ANKRD45: variants seen among roughly 807,000 people sequenced by gnomAD.
The protein encoded by ANKRD45 is ankyrin repeat domain 45.
In ANKRD45, 21 loss-of-function variants were observed where a neutral mutation model predicts 28.1. The ratio of observed to expected loss-of-function variants is 0.75; its 90% CI spans 0.53 to 1.08. The LOEUF (loss-of-function observed/expected upper bound fraction) is 1.08, where lower values mean the gene tolerates loss of function less well. Among genes scored for constraint, ANKRD45 ranks in the 50% least tolerant of loss-of-function variants. ANKRD45 has a pLI of 0.00. For missense variants in ANKRD45, 261 were observed against 308.7 expected (o/e 0.85, Z 1.16); for synonymous variants, 86 against 103.9 (o/e 0.83, Z 1.05).
the ANKRD45 span, among the ~76,000 whole-genome samples, chr1:173,690,435 G>C: frequency 1.3e-5 from 2 of 152,222 alleles, no homozygotes; most frequent in African/African-American, 2.4e-5. Context: ...TTTTCATTTT[G>C]AGGTGCCAGA....
At chr1:173,655,452 C>T (rs1296238152) in intron 2 of ANKRD45, among the ~76,000 whole-genome samples, 1 of 152,204 alleles carries the variant, frequency 6.6e-6, no homozygotes, top group African/African-American at 2.4e-5. Context: ...TATTGCAGAA[C>T]AGCAAATATT....
Position 173,659,035 on chromosome 1 carries a change from C to T in ANKRD45, c.328+56G>A, listed in dbSNP as rs746207512. On this transcript the variant is annotated intron_variant, in intron 2 of 5. Coordinates refer to ENST00000333279, the MANE Select transcript of ANKRD45 (RefSeq NM_198493.3). ...AATATATCTAACCTTAAAGATATTA[C>T]ATTGCATCTTTAGGTAGTCATAAGT... 9 of 1,568,138 alleles carry T rather than the reference C, an allele frequency of 5.7e-6. No homozygotes were observed. The Middle Eastern group carries it at 5.2e-4, about 90-fold the overall frequency.
the ANKRD45 span, among the ~76,000 whole-genome samples, chr1:173,706,558 C>T: frequency 5.3e-5 from 8 of 151,808 alleles, no homozygotes; most frequent in African/African-American, 1.9e-4. Flanking sequence ...AGGCTGGTCT[C>T]GAACTCCTGA....
At chr1:173,651,239 A>G (rs991750686) in intron 2 of ANKRD45, among the ~76,000 whole-genome samples, 6 of 152,128 alleles carry the variant, frequency 3.9e-5, no homozygotes, top group Non-Finnish European at 8.8e-5. Flanking sequence ...TAACATTTAA[A>G]TCTTTAATCC....
the ANKRD45 span, among the ~76,000 whole-genome samples, chr1:173,685,865 G>T: frequency 6.6e-6 from 1 of 152,184 alleles, no homozygotes; most frequent in Non-Finnish European, 1.5e-5. Context: ...TTCAGATAAT[G>T]ACCTGTATAG....
rs1667012574 is a variant in ANKRD45, at chr1:173,608,340, T to C, written c.*1805A>G. Among the ~76,000 whole-genome samples the C allele has an allele frequency of 6.6e-6, 1 of 152,128 alleles. No homozygotes were observed. The highest frequency in any genetic ancestry group is 1.5e-5 in the Non-Finnish European group (1 of 68,020). ...TTGTTTTTATTATTATTTTTTGAGA[T>C]GGAGTCTCACTCTGTCACCCAGGCT... On this transcript the variant is annotated 3_prime_UTR_variant, in exon 6 of 6. Transcript: ENST00000333279.
At chr1:173,713,924 T>C in the ANKRD45 span, among the ~76,000 whole-genome samples, 2 of 152,208 alleles carry the variant, frequency 1.3e-5, no homozygotes, top group African/African-American at 4.8e-5. Context: ...TCTTTCTCCA[T>C]TGCAATCCCT....
At chr1:173,621,272 T>C (rs953834175) in intron 5 of ANKRD45, among the ~76,000 whole-genome samples, 1 of 152,152 alleles carries the variant, frequency 6.6e-6, no homozygotes, top group South Asian at 2.1e-4. Flanking sequence ...TTCCAAAAAA[T>C]TGAAAAGGAA....
chr1:173,668,099 T>C lies in ANKRD45; in HGVS notation c.-16+1718A>G, dbSNP rs1482280207. Reference sequence around the variant, plus strand: ...TTTCTAATTCTTACAACATATGTAATACTATATTAAAAGACATAACTCACA... The same window carrying C: ...TTTCTAATTCTTACAACATATGTAACACTATATTAAAAGACATAACTCACA... On this transcript the variant is annotated intron_variant, in intron 1 of 5. Coordinates refer to ENST00000333279, the MANE Select transcript of ANKRD45 (RefSeq NM_198493.3). Among the ~76,000 whole-genome samples, 4 of 152,366 alleles carry C rather than the reference T, an allele frequency of 2.6e-5. No individual in the cohort carries two copies. The East Asian group carries it at 7.7e-4, about 29-fold the overall frequency.
upstream of ANKRD45, among the ~76,000 whole-genome samples, chr1:173,674,819 A>G (rs1420054731): frequency 6.6e-6 from 1 of 152,118 alleles, no homozygotes; most frequent in Admixed American, 6.5e-5. Flanking sequence ...TAGCTTAGTG[A>G]TTTTAGGGAC....
chr1:173,708,727 A>T, the ANKRD45 span, among the ~76,000 whole-genome samples: 2 of 152,210 alleles, frequency 1.3e-5, no homozygotes, highest in East Asian at 3.8e-4. Flanking sequence ...TTATTTCAGG[A>T]ATGTTTTATA....
At chr1:173,683,512 G>C in the ANKRD45 span, among the ~76,000 whole-genome samples, 1 of 152,150 alleles carries the variant, frequency 6.6e-6, no homozygotes, top group East Asian at 1.9e-4. Context: ...GGAGATCAGA[G>C]ATTCTCTGGA....
At chr1:173,647,126 G>T in intron 2 of ANKRD45, 113 bp from the exon 3 acceptor site, 1 of 1,016,008 alleles carries the variant, frequency 9.8e-7, no homozygotes, top group Non-Finnish European at 1.4e-6. Flanking sequence ...TGTGGGCCAG[G>T]CACTATTCTA....
intron 5 of ANKRD45, among the ~76,000 whole-genome samples, chr1:173,613,048 G>A (rs1404672746): frequency 3.9e-5 from 6 of 152,014 alleles, no homozygotes; most frequent in Admixed American, 6.6e-5. Context: ...CTGCCTGGCC[G>A]CCCATCATCT....
At chr1:173,645,674 T>G (rs1668885600) in intron 3 of ANKRD45, among the ~76,000 whole-genome samples, 1 of 152,216 alleles carries the variant, frequency 6.6e-6, no homozygotes. Context: ...CTACCTATGT[T>G]ATAGCCTACC....
chr1:173,699,265 C>T, the ANKRD45 span, among the ~76,000 whole-genome samples: 2 of 152,156 alleles, frequency 1.3e-5, no homozygotes, highest in South Asian at 2.1e-4. Flanking sequence ...TGGTACAATT[C>T]CTTCTGAAAC....
rs1216736585 is a variant in ANKRD45, at chr1:173,608,807, T to C, written c.*1338A>G. On this transcript the variant is annotated 3_prime_UTR_variant, in exon 6 of 6. Transcript: ENST00000333279. ...AGATAAGAGAGGAAGAAGAAGGAGT[T>C]GGAGAGGGAAGAGGAGGAGGAGAGA... Among the ~76,000 whole-genome samples, 1 of 115,780 alleles carries C rather than the reference T, an allele frequency of 8.6e-6. No homozygotes were observed. Among genetic ancestry groups the C allele is most frequent in the Non-Finnish European group, 1.8e-5 (1 of 56,406 alleles). The allele number at this position is 115,780 out of a possible 152,430, so 76.0% of individuals were successfully genotyped here. A position where few individuals can be genotyped will look rare whatever the true frequency, so the allele number is the denominator to read the frequency against.
chr1:173,618,477 C>A (rs771515256), intron 5 of ANKRD45, among the ~76,000 whole-genome samples: 3 of 152,044 alleles, frequency 2.0e-5, no homozygotes, highest in Non-Finnish European at 2.9e-5. Context: ...AACCATGATG[C>A]AAGAAGTTCA....
At chr1:173,713,842 T>C in the ANKRD45 span, among the ~76,000 whole-genome samples, 2 of 152,150 alleles carry the variant, frequency 1.3e-5, no homozygotes, top group Non-Finnish European at 2.9e-5. Flanking sequence ...GGAGGCCGAT[T>C]TGAGTAATAA....
Sources: gnomAD v4.1 joint callset for allele counts (sites outside exome capture counted in the v4.1 genomes callset) on GRCh38, gnomAD v4.1.1 for gene constraint, MANE v1.5 for transcripts, NCBI Gene and HGNC (gene_info 2026-07-23, HGNC 2026-07-21) for gene names.